The following MVB12B variants were observed in gnomAD, a reference collection of about 807,000 sequenced individuals.
MVB12B encodes ESCRT-I complex subunit MVB12B.
MVB12B carries 16 observed loss-of-function variants against 41.6 expected under a neutral mutation model. The ratio of observed to expected loss-of-function variants is 0.38; its 90% CI spans 0.26 to 0.58. The LOEUF is 0.58. MVB12B is among the 20% of genes least tolerant of loss of function. The pLI, the probability that MVB12B is intolerant of heterozygous loss-of-function variation, is 0.62. For missense variants in MVB12B, 274 were observed against 380.2 expected, an observed-to-expected ratio of 0.72 and a Z score of 2.32; for synonymous variants, 133 against 139.7, an observed-to-expected ratio of 0.95 and a Z score of 0.34.
At chr9:126,454,764 G>T (rs1046388275) in intron 7 of MVB12B, among the ~76,000 whole-genome samples, 12 of 151,864 alleles carry the variant, frequency 7.9e-5, no homozygotes, top group Admixed American at 7.2e-4. Context: ...TAGCCTTCTG[G>T]TAGGGGTCGA....
intron 6 of MVB12B, among the ~76,000 whole-genome samples, chr9:126,415,118 T>C (rs1831774177): frequency 6.6e-6 from 1 of 152,186 alleles, no homozygotes; most frequent in South Asian, 2.1e-4. Flanking sequence ...GAGTGTCCAA[T>C]GCCAGTGGCC....
chr9:126,379,298 A>G (rs1313503352), intron 2 of MVB12B, among the ~76,000 whole-genome samples: 1 of 152,242 alleles, frequency 6.6e-6, no homozygotes, highest in Non-Finnish European at 1.5e-5. Context: ...GGTGTTCCCC[A>G]AATGACTGCA....
At chr9:126,400,747 T>C (rs1025964625) in intron 6 of MVB12B, among the ~76,000 whole-genome samples, 1 of 152,190 alleles carries the variant, frequency 6.6e-6, no homozygotes, top group African/African-American at 2.4e-5. Context: ...GTATGGATAG[T>C]GGAGAGTTGC....
intron 9 of MVB12B, among the ~76,000 whole-genome samples, chr9:126,501,881 G>C (rs1412482661): frequency 6.6e-6 from 1 of 152,102 alleles, no homozygotes; most frequent in Non-Finnish European, 1.5e-5. Flanking sequence ...TGGGCAGGGC[G>C]TGGGCACCCC....
intron 2 of MVB12B, among the ~76,000 whole-genome samples, chr9:126,364,557 A>G (rs1027426258): frequency 5.9e-5 from 9 of 152,178 alleles, no homozygotes; most frequent in African/African-American, 2.2e-4. Flanking sequence ...TTTCACTACT[A>G]ATCACATCCT....
intron 9 of MVB12B, among the ~76,000 whole-genome samples, chr9:126,498,706 G>A (rs1833889769): frequency 1.3e-5 from 2 of 152,344 alleles, no homozygotes; most frequent in South Asian, 2.1e-4. Context: ...ATCCTTTCTT[G>A]GGCTTCACTT....
chr9:126,487,653 T>C (rs1346869408), intron 9 of MVB12B, among the ~76,000 whole-genome samples: 1 of 151,704 alleles, frequency 6.6e-6, no homozygotes, highest in Non-Finnish European at 1.5e-5. Context: ...TAGTCCCAGC[T>C]ACTCAGGCGG....
rs927211417 is a variant in MVB12B at position 126,473,714 on chromosome 9, C to G, written c.758-7655C>G. On this transcript the variant is annotated intron_variant, in intron 7 of 9. Transcript: ENST00000361171. The surrounding 1 kb of genome is among the most constrained non-coding windows in gnomAD (Gnocchi z 4.0). ...CACGGGGAAGCTGCTAAACCATCCA[C>G]AAGAAATCCTCTCCCCACATAGCTC... Among the ~76,000 whole-genome samples the G allele has an allele frequency of 1.3e-5, 2 of 152,246 alleles. No homozygotes were observed. The highest frequency in any genetic ancestry group is 2.1e-4 in the South Asian group (1 of 4,834).
chr9:126,383,727 G>T (rs1830695897), intron 3 of MVB12B, among the ~76,000 whole-genome samples: 1 of 151,972 alleles, frequency 6.6e-6, no homozygotes, highest in Non-Finnish European at 1.5e-5. Flanking sequence ...CAAAATTAAT[G>T]GTGTCGCAGA....
At chr9:126,464,448 G>A (rs1237877543) in intron 7 of MVB12B, among the ~76,000 whole-genome samples, 9 of 152,192 alleles carry the variant, frequency 5.9e-5, no homozygotes, top group Non-Finnish European at 1.0e-4. Flanking sequence ...GGATCAACCT[G>A]GAAGGGCCTG....
At chr9:126,409,655 C>A (rs528237422) in intron 6 of MVB12B, among the ~76,000 whole-genome samples, 1 of 152,290 alleles carries the variant, frequency 6.6e-6, no homozygotes, top group African/African-American at 2.4e-5. Context: ...CAACTCCAGT[C>A]ACCAGCACCC....
chr9:126,472,094 T>C (rs1199446740), intron 7 of MVB12B, among the ~76,000 whole-genome samples: 6 of 151,738 alleles, frequency 4.0e-5, no homozygotes, highest in African/African-American at 9.7e-5. Context: ...TATTGAGACG[T>C]TGGGGAGGGA....
intron 6 of MVB12B, among the ~76,000 whole-genome samples, chr9:126,409,152 T>C (rs950090598): frequency 6.6e-5 from 10 of 151,874 alleles, no homozygotes; most frequent in Non-Finnish European, 1.0e-4. Flanking sequence ...AACCCAAGAG[T>C]TAAATTTTAG....
rs1290399029 is a variant in MVB12B at position 126,505,893 on chromosome 9, C to T, written c.*2630C>T. 7.2e-5 allele frequency: 11 copies of T among 152,226 alleles called. No homozygotes were observed. The highest frequency in any genetic ancestry group is 7.2e-4 in the Admixed American group (11 of 15,272). The allele number at this position is 152,226 out of a possible 1,614,324, so 9.4% of individuals were successfully genotyped here. Reference sequence around the variant, plus strand: ...TGTGAAGGGTCTTGGCCTCATCCCTCAGGTCCCCCCACAGCACTTCCCACT... The same window carrying T: ...TGTGAAGGGTCTTGGCCTCATCCCTTAGGTCCCCCCACAGCACTTCCCACT... On this transcript the variant is annotated 3_prime_UTR_variant, in exon 10 of 10. Coordinates refer to ENST00000361171, the MANE Select transcript of MVB12B (RefSeq NM_033446.3).
At chr9:126,379,804 G>A (rs922718926) in intron 2 of MVB12B, among the ~76,000 whole-genome samples, 7 of 152,150 alleles carry the variant, frequency 4.6e-5, no homozygotes, top group African/African-American at 9.7e-5. Flanking sequence ...CCTGGCTCCC[G>A]CCTCCGCCCT....
rs59801697 is a variant in MVB12B, at chr9:126,333,843, TTCCATCCA to T, written c.82-6627_82-6620del. Among the ~76,000 whole-genome samples, 6,078 of 149,712 alleles carry T rather than the reference TTCCATCCA, an allele frequency of 0.041. 130 individuals are homozygous for T. The highest frequency in any genetic ancestry group is 0.051 in the African/African-American group (2,076 of 40,554). On this transcript the variant is annotated intron_variant, in intron 1 of 9. Transcript: ENST00000361171. This position sits in a 1 kb window ranked among gnomAD's most constrained non-coding sequence, Gnocchi z 4.7. ...CCATGGAAGATTACCTTTAGGTTCATTCCATCCATCCATCCATCCATCCATCCATCCAT... is the reference window on the plus strand; with the variant it reads ...CCATGGAAGATTACCTTTAGGTTCATTCCATCCATCCATCCATCCATCCAT...
intron 6 of MVB12B, among the ~76,000 whole-genome samples, chr9:126,397,864 AGAG>A (rs776637642): frequency 2.0e-5 from 3 of 152,154 alleles, no homozygotes; most frequent in Non-Finnish European, 4.4e-5. Context: ...TACACTCTCC[AGAG>A]GAGGAATCTG....
At chr9:126,418,486 G>A (rs983416000) in intron 6 of MVB12B, among the ~76,000 whole-genome samples, 4 of 152,186 alleles carry the variant, frequency 2.6e-5, no homozygotes, top group African/African-American at 9.7e-5. Flanking sequence ...GTGAATAATT[G>A]TAGGCTCATG....
At chr9:126,447,890 T>C (rs1029898999) in intron 7 of MVB12B, 2 of 152,258 alleles carry the variant, frequency 1.3e-5, no homozygotes, top group African/African-American at 4.8e-5. Flanking sequence ...AGGTCTATTA[T>C]GTATTTTACT....
Sources: allele counts gnomAD v4.1 joint callset (sites outside exome capture counted in the v4.1 genomes callset), GRCh38; gene constraint gnomAD v4.1.1; non-coding constraint Gnocchi (gnomAD v3.1); transcripts MANE v1.5; gene names NCBI Gene and HGNC (gene_info 2026-07-23, HGNC 2026-07-21).